The following ATP2C2 variants were observed in gnomAD, a reference collection of about 807,000 sequenced individuals.
The protein encoded by ATP2C2 is ATPase secretory pathway Ca2+ transporting 2, also known as calcium-transporting ATPase type 2C member 2.
In ATP2C2, 171 loss-of-function variants were observed where a neutral mutation model predicts 110.8. The observed-to-expected ratio is 1.54, with a 90% CI of 1.36 to 1.75. The LOEUF (loss-of-function observed/expected upper bound fraction) is 1.75. Ranked by LOEUF, ATP2C2 falls within the 40% of genes most tolerant of loss-of-function variation. The probability of loss-of-function intolerance (pLI) is 0.00; values close to 1 mark genes in which losing one functional copy is unlikely to be tolerated. For synonymous variants in ATP2C2, 804 were observed against 508.4 expected (o/e 1.58, Z -7.82); for missense variants, 1,963 against 1,235.0 (o/e 1.59, Z -8.84).
chr16:84,418,365 G>T (rs1356086108), intron 7 of ATP2C2, among the ~76,000 whole-genome samples: 1 of 152,054 alleles, frequency 6.6e-6, no homozygotes, highest in Non-Finnish European at 1.5e-5. Flanking sequence ...AGCCTGGGAG[G>T]TCACCAGAAG....
chr16:84,380,730 G>A (rs1481100930), intron 1 of ATP2C2, among the ~76,000 whole-genome samples: 1 of 152,170 alleles, frequency 6.6e-6, no homozygotes, highest in Non-Finnish European at 1.5e-5. Flanking sequence ...CCCTGCCTCT[G>A]TTTGTTCTTC....
At chr16:84,408,584 G>T (rs2150523816) in intron 4 of ATP2C2, 90 bp downstream of exon 4, 1 of 1,033,528 alleles carries the variant, frequency 9.7e-7, no homozygotes, top group East Asian at 2.6e-5. Flanking sequence ...AAAAAAAAGA[G>T]TTTGCTGTAG....
intron 2 of ATP2C2, among the ~76,000 whole-genome samples, chr16:84,398,870 C>T (rs563756511): frequency 6.6e-6 from 1 of 152,150 alleles, no homozygotes; most frequent in African/African-American, 2.4e-5. Context: ...TCTCTTCAGC[C>T]TCACATTTCT....
intron 8 of ATP2C2, 32 bp downstream of exon 8, chr16:84,422,571 C>A: frequency 6.2e-7 from 1 of 1,611,896 alleles, no homozygotes; most frequent in East Asian, 2.2e-5. Context: ...CCTTGGGCTC[C>A]CGTAACCCAC....
chr16:84,438,876 T>C lies in ATP2C2; in HGVS notation c.987-290T>C, dbSNP rs139320128. On this transcript the variant is annotated intron_variant, in intron 11 of 26. Coordinates refer to ENST00000262429, the MANE Select transcript of ATP2C2 (RefSeq NM_014861.4). ...CTCTAATAAATGAGAATAATGTCAA[T>C]GCAAAATACTTTTAAAGAGGCAAAA... 4.7e-3 allele frequency among the ~76,000 whole-genome samples: 722 copies of C among 152,310 alleles called. 8 individuals are homozygous for C. The highest frequency in any genetic ancestry group is 0.016 in the African/African-American group (681 of 41,562).
At chr16:84,448,439 G>C in intron 16 of ATP2C2, 94 bp from the exon 17 acceptor site, 1 of 1,423,724 alleles carries the variant, frequency 7.0e-7, no homozygotes, top group Admixed American at 2.2e-5. Context: ...AGATCCCCGT[G>C]TGTGTCTTTG....
Position 84,405,150 on chromosome 16 carries a change from C to A in ATP2C2, c.233C>A (p.Ser78Ter), listed in dbSNP as rs371553192. The change falls in exon 3 of 27, where the codon TCG (serine) becomes TAG (stop). Residue 78 changes from serine to a stop codon, truncating the protein, a stop_gained. Transcript: ENST00000262429. LOFTEE classifies it high-confidence loss of function. ...AFCVDLHTGL[S>*]EFSVTQRRLA... ...CAGGTGGACTTACACACTGGGCTGT[C>A]GGAGTTCTCGGTGACGCAGCGCCGG... 2.5e-6 allele frequency: 4 copies of A among 1,613,776 alleles called. No homozygotes were observed. Among genetic ancestry groups the A allele is most frequent in the Non-Finnish European group, 3.4e-6 (4 of 1,179,988 alleles).
At chr16:84,402,117 C>G (rs541808945) in intron 2 of ATP2C2, among the ~76,000 whole-genome samples, 43 of 151,568 alleles carry the variant, frequency 2.8e-4, no homozygotes, top group Non-Finnish European at 5.2e-4. Context: ...ATTTCTTTTG[C>G]AGATTGCTTT....
chr16:84,385,660 G>T (rs1904309155), intron 1 of ATP2C2, among the ~76,000 whole-genome samples: 1 of 152,198 alleles, frequency 6.6e-6, no homozygotes, highest in Non-Finnish European at 1.5e-5. Flanking sequence ...CCGCATGTCT[G>T]GGGAGGCCTC....
In ATP2C2 at chr16:84,460,028, G is replaced by A. The variant is rs115814392; in HGVS notation, c.2334-626G>A. On this transcript the variant is annotated intron_variant, in intron 23 of 26. Coordinates refer to ENST00000262429, the MANE Select transcript of ATP2C2 (RefSeq NM_014861.4). ...GCGTAACCGTATGAGCACAGAGCCA[G>A]TGCTTCCGCTGGAGCTCAGTGCTGC... The A allele has an allele frequency of 9.1e-3, 1,921 of 212,228 alleles. 43 individuals carry two copies. The highest frequency in any genetic ancestry group is 0.041 in the African/African-American group (1,801 of 43,790). The allele number at this position is 212,228 out of a possible 1,614,324, so 13.1% of individuals were successfully genotyped here.
At chr16:84,395,178 G>A (rs1904894943) in intron 1 of ATP2C2, among the ~76,000 whole-genome samples, 1 of 152,040 alleles carries the variant, frequency 6.6e-6, no homozygotes, top group South Asian at 2.1e-4. Flanking sequence ...ACTCACAGAG[G>A]GAAGTCGGAG....
At position 84,454,267 on chromosome 16, in the gene ATP2C2, A is replaced by T. The variant is rs116902478; in HGVS notation, c.1981-551A>T. Among the ~76,000 whole-genome samples, 41 of 152,296 alleles carry T rather than the reference A, an allele frequency of 2.7e-4. No individual in the cohort carries two copies. In the East Asian group the frequency reaches 7.7e-3, roughly 29 times the overall value. ...TCTCTTGGCACACAGCAGGAGCCCAATAAAGAGCTGATGTGATTTTTCTGA... is the reference window on the plus strand; with the variant it reads ...TCTCTTGGCACACAGCAGGAGCCCATTAAAGAGCTGATGTGATTTTTCTGA... On this transcript the variant is annotated intron_variant, in intron 20 of 26. Coordinates refer to ENST00000262429, the MANE Select transcript of ATP2C2 (RefSeq NM_014861.4).
chr16:84,461,598 C>A, intron 24 of ATP2C2, 116 bp from the exon 25 acceptor site: 1 of 899,534 alleles, frequency 1.1e-6, no homozygotes, highest in East Asian at 2.4e-5. Context: ...GATTCATGAG[C>A]TTGTAAGTGG....
chr16:84,391,165 C>A lies in ATP2C2; in HGVS notation c.100-7334C>A, dbSNP rs569967879. On this transcript the variant is annotated intron_variant, in intron 1 of 26. Transcript: ENST00000262429. ...AGAAGAAGGGAAGGTTTGGTTCTGC[C>A]TAAATCACCTGTGATGGAGAGGGAG... 1.5e-3 allele frequency among the ~76,000 whole-genome samples: 233 copies of A among 151,062 alleles called. 1 individual carries two copies. Among genetic ancestry groups the A allele is most frequent in the African/African-American group, 5.1e-3 (209 of 41,132 alleles).
At chr16:84,373,043 C>G (rs1182839963) in intron 1 of ATP2C2, among the ~76,000 whole-genome samples, 1 of 151,026 alleles carries the variant, frequency 6.6e-6, no homozygotes, top group Non-Finnish European at 1.5e-5. Context: ...TCCTTTGAAC[C>G]CAGGAGGCGG....
At chr16:84,378,907 G>C (rs1046300417) in intron 1 of ATP2C2, among the ~76,000 whole-genome samples, 7 of 152,128 alleles carry the variant, frequency 4.6e-5, no homozygotes, top group Non-Finnish European at 8.8e-5. Flanking sequence ...TTGCTGTTTG[G>C]GGTTCTCTTT....
chr16:84,448,502 T>C (rs1909963811), intron 16 of ATP2C2, 31 bp from the exon 17 acceptor site: 2 of 1,591,164 alleles, frequency 1.3e-6, no homozygotes, highest in Non-Finnish European at 1.7e-6. Flanking sequence ...CTTCCAGTGA[T>C]AGTGGATTTC....
In ATP2C2 at chr16:84,452,289, G is replaced by T. The variant is rs550639173; in HGVS notation, c.1831+198G>T. Among the ~76,000 whole-genome samples, 17 of 152,272 alleles carry T rather than the reference G, an allele frequency of 1.1e-4. No individual in the cohort carries two copies. The South Asian group carries it at 3.1e-3, about 28-fold the overall frequency. ...GTTCTCGTTTCTGAAATGTTGGCAG[G>T]TTCTGCAAAAGGGAAGTTCTCATGG... On this transcript the variant is annotated intron_variant, in intron 18 of 26. Transcript: ENST00000262429.
chr16:84,444,162 CA>C (rs71151217), intron 15 of ATP2C2, among the ~76,000 whole-genome samples: 5,226 of 104,182 alleles, frequency 0.05, 79 homozygotes, highest in African/African-American at 0.12. Context: ...GATCCTGCCT[CA>C]AAAAAAAAAA....
Sources: allele counts gnomAD v4.1 joint callset (sites outside exome capture counted in the v4.1 genomes callset), GRCh38; gene constraint gnomAD v4.1.1; transcripts MANE v1.5; gene names NCBI Gene and HGNC (gene_info 2026-07-23, HGNC 2026-07-21).